The following TMEM176A variants were observed in gnomAD, a reference collection of about 807,000 sequenced individuals.
The protein encoded by TMEM176A is transmembrane protein 176A.
In TMEM176A, 20 loss-of-function variants were observed where a neutral mutation model predicts 27.9. The observed-to-expected ratio is 0.72, with a 90% CI of 0.50 to 1.04. The LOEUF (loss-of-function observed/expected upper bound fraction) is 1.04. Ranked by LOEUF, TMEM176A falls within the 50% of genes least tolerant of loss-of-function variation. The pLI is 0.00. For missense variants in TMEM176A, 252 were observed against 289.1 expected (o/e 0.87, Z 0.93); for synonymous variants, 125 against 118.0 (o/e 1.06, Z -0.38).
In TMEM176A at chr7:150,801,656, T is replaced by C. The variant is rs777781670; in HGVS notation, c.106T>C (p.Cys36Arg). The change falls in exon 2 of 7, where the codon TGC becomes CGC. Residue 36 changes from cysteine (C) to arginine (R), a missense_variant. Physicochemically the swap from Cys to Arg is radical, Grantham distance 180. Coordinates refer to ENST00000004103, the MANE Select transcript of TMEM176A (RefSeq NM_018487.3). ...ESALAKLLLT[C>R]CSALRPRATQ... ...TGCCCTGGCCAAGCTCCTGCTCACC[T>C]GCTGCTCTGCGCTGCGGCCCCGGGC... The C allele has an allele frequency of 3.1e-6, 5 of 1,612,656 alleles. No homozygotes were observed. In the East Asian group the frequency reaches 1.1e-4, roughly 36 times the overall value.
chr7:150,800,984 T>C (rs929829436), intron 1 of TMEM176A, 156 bp downstream of exon 1: 2 of 985,492 alleles, frequency 2.0e-6, no homozygotes, highest in African/African-American at 3.5e-5. Context: ...GCCCCGGCTT[T>C]TGACCTACCT....
intron 2 of TMEM176A, 24 bp downstream of exon 2, chr7:150,801,748 C>CGTG (rs1563048623): frequency 3.4e-6 from 5 of 1,478,578 alleles, no homozygotes; most frequent in Non-Finnish European, 4.4e-6. Flanking sequence ...CCTGCCTCGT[C>CGTG]GGGCGGCGGG....
chr7:150,801,548 A>G lies in TMEM176A; in HGVS notation c.-3A>G, dbSNP rs1192934459. 2 of 1,590,786 alleles carry G rather than the reference A, an allele frequency of 1.3e-6. No homozygotes were observed. Among genetic ancestry groups the G allele is most frequent in the Admixed American group, 3.7e-5 (2 of 53,682 alleles). ...CCCTTCCTCATAGACTGTGTCCCTG[A>G]CAATGGGAACAGCCGACAGTGATGA... is the stretch of plus-strand genomic sequence containing the variant. On this transcript the variant is annotated 5_prime_UTR_variant, in exon 2 of 7. Coordinates refer to ENST00000004103, the MANE Select transcript of TMEM176A (RefSeq NM_018487.3).
chr7:150,802,076 T>TTTTTC, intron 2 of TMEM176A, 139 bp from the exon 3 acceptor site: 3 of 578,838 alleles, frequency 5.2e-6, no homozygotes, highest in Non-Finnish European at 9.2e-6. Flanking sequence ...TTCTTCTCCT[T>TTTTTC]TTCTCTTCTC....
chr7:150,804,856 G>A lies in TMEM176A; in HGVS notation c.696G>A (p.Val232=), dbSNP rs745475678. The A allele has an allele frequency of 5.0e-6, 8 of 1,614,104 alleles. No homozygotes were observed. Among genetic ancestry groups the A allele is most frequent in the Non-Finnish European group, 6.8e-6 (8 of 1,180,046 alleles). ...GKRDQKEMLE[V]SGI The stretch of plus-strand genomic sequence containing the variant: ...GAGACCAGAAGGAAATGTTGGAAGT[G>A]AGTGGAATCTAGCCATGCCTCTCCT... Residue 232 remains valine (V), a synonymous_variant, in exon 7 of 7, where the codon GTG becomes GTA. Coordinates refer to ENST00000004103, the MANE Select transcript of TMEM176A (RefSeq NM_018487.3).
chr7:150,801,689 G>T lies in TMEM176A; in HGVS notation c.139G>T (p.Ala47Ser), dbSNP rs771250907. ...TGCGCTGCGGCCCCGGGCCACCCAG[G>T]CCAGGGGCAGCAGCCGGCTGCTGGT... ...CSALRPRATQARGSSRLLVAS... is the reference protein window; with the variant it reads ...CSALRPRATQSRGSSRLLVAS... The change falls in exon 2 of 7, where the codon GCC (alanine) becomes TCC (serine). Residue 47 changes from alanine to serine, a missense_variant. Physicochemically the swap from Ala to Ser is moderately conservative, Grantham distance 99 (BLOSUM62 1). Coordinates refer to ENST00000004103, the MANE Select transcript of TMEM176A (RefSeq NM_018487.3). 3 of 1,580,606 alleles carry T rather than the reference G, an allele frequency of 1.9e-6. No homozygotes were observed. The highest frequency in any genetic ancestry group is 2.3e-5 in the South Asian group (2 of 86,810).
In TMEM176A at chr7:150,803,660, CA is replaced by C; in HGVS notation, c.384del (p.Ala129ProfsTer56). 1 of 1,614,148 alleles carries C rather than the reference CA, an allele frequency of 6.2e-7. No individual in the cohort carries two copies. Among genetic ancestry groups the C allele is most frequent in the Non-Finnish European group, 8.5e-7 (1 of 1,180,050 alleles). On this transcript the variant is annotated frameshift_variant, in exon 5 of 7. Transcript: ENST00000004103. LOFTEE classifies it high-confidence loss of function. The stretch of plus-strand genomic sequence containing the variant: ...CTGCTAACGCTGGCAGCTTTCTCCA[CA>C]GCCATCGCTGCCCTCAAACTTTGGA... The part of the protein sequence containing the change: ...RTLLTLAAFS[T>X]AIAALKLWNE...
chr7:150,802,385 A>T (rs1211009983), intron 3 of TMEM176A, 60 bp downstream of exon 3: 2 of 1,436,828 alleles, frequency 1.4e-6, no homozygotes, highest in Middle Eastern at 1.7e-4. Flanking sequence ...TGCTCTCCTG[A>T]TTGCCTTCCT....
Position 150,801,786 on chromosome 7 carries a change from G to A in TMEM176A, c.174+62G>A, listed in dbSNP as rs571819922. Reference sequence around the variant, plus strand: ...GAACTCCCCACCTCCAGCCGCAGCAGCACTCTCTGCCAGCCTCCCTCTGAA... The same window carrying A: ...GAACTCCCCACCTCCAGCCGCAGCAACACTCTCTGCCAGCCTCCCTCTGAA... On this transcript the variant is annotated intron_variant, in intron 2 of 6. Coordinates refer to ENST00000004103, the MANE Select transcript of TMEM176A (RefSeq NM_018487.3). 5.4e-5 allele frequency: 76 copies of A among 1,399,970 alleles called. No individual in the cohort carries two copies. The African/African-American group carries it at 1.0e-3, about 18-fold the overall frequency. 86.7% of individuals were successfully genotyped at this position (1,399,970 alleles called of 1,614,324 possible).
chr7:150,803,304 G>C, intron 3 of TMEM176A, 96 bp from the exon 4 acceptor site: 1 of 1,470,304 alleles, frequency 6.8e-7, no homozygotes, highest in Non-Finnish European at 9.0e-7. Context: ...TCCCGCCCAA[G>C]CTGTGTGCTG....
intron 1 of TMEM176A, chr7:150,801,262 C>T: frequency 3.1e-6 from 1 of 319,986 alleles, no homozygotes; most frequent in East Asian, 5.5e-5. Flanking sequence ...ACCCAGACGC[C>T]AGGGCCCTGG....
chr7:150,802,108 C>CTCTTT, intron 2 of TMEM176A, 107 bp from the exon 3 acceptor site: 1 of 715,438 alleles, frequency 1.4e-6, no homozygotes, highest in South Asian at 1.7e-5. Context: ...TCTCTTCTTT[C>CTCTTT]TTTCTCTCTC....
rs1274298213 is a variant in TMEM176A at position 150,800,809 on chromosome 7, G to A, written c.-35G>A. 2 of 546,508 alleles carry A rather than the reference G, an allele frequency of 3.7e-6. No homozygotes were observed. Among genetic ancestry groups the A allele is most frequent in the African/African-American group, 2.1e-5 (1 of 47,344 alleles). The allele number at this position is 546,508 out of a possible 1,614,324, so 33.9% of individuals were successfully genotyped here. A position where few individuals can be genotyped will look rare whatever the true frequency, so the allele number is the denominator to read the frequency against. On this transcript the variant is annotated 5_prime_UTR_variant, in exon 1 of 7. Transcript: ENST00000004103. ...GCCCCAGCCCTCCCGCCGCCCGCTC[G>A]CAGGTCCCGAGGAGCGCAGGTGAGG...
rs763478072 is a variant in TMEM176A, at chr7:150,805,013, C to T, written c.*145C>T. 3.7e-6 allele frequency: 3 copies of T among 800,806 alleles called. No individual in the cohort carries two copies. The highest frequency in any genetic ancestry group is 6.4e-6 in the Non-Finnish European group (3 of 472,142). 49.6% of individuals were successfully genotyped at this position (800,806 alleles called of 1,614,324 possible). ...CCCCATGACCGTGGCCACAGCCCTG[C>T]TCCAGCAGCACTTGCCCATTCCTTA... On this transcript the variant is annotated 3_prime_UTR_variant, in exon 7 of 7. Coordinates refer to ENST00000004103, the MANE Select transcript of TMEM176A (RefSeq NM_018487.3).
chr7:150,802,084 C>CTCTTCTCTTT, intron 2 of TMEM176A, 131 bp from the exon 3 acceptor site: 1 of 658,118 alleles, frequency 1.5e-6, no homozygotes, highest in Non-Finnish European at 2.6e-6. Context: ...CTTTTCTCTT[C>CTCTTCTCTTT]TCTTCTCTTC....
rs199781619 is a variant in TMEM176A, at chr7:150,803,828, T to C, written c.551T>C (p.Leu184Pro). The C allele has an allele frequency of 5.1e-5, 83 of 1,613,598 alleles. No individual in the cohort carries two copies. In the Middle Eastern group the frequency reaches 3.5e-3, roughly 68 times the overall value. ...CTATGTACCTCCTTCATGGACATGC[T>C]GAAGGTAGGTGGCCAAGGGGAAGGG... ...LHLCTSFMDM[L>P]KALFRTLQAM... is the part of the protein sequence containing the mutation. Residue 184 changes from leucine to proline, a missense_variant, in exon 5 of 7, where the codon CTG (leucine) becomes CCG (proline). Transcript: ENST00000004103.
rs1186194373 is a variant in TMEM176A, at chr7:150,805,005, C to G, written c.*137C>G. On this transcript the variant is annotated 3_prime_UTR_variant, in exon 7 of 7. Transcript: ENST00000004103. ...TATCCTGGCCCCATGACCGTGGCCA[C>G]AGCCCTGCTCCAGCAGCACTTGCCC... 3.3e-5 allele frequency: 28 copies of G among 857,776 alleles called. No individual in the cohort carries two copies. Among genetic ancestry groups the G allele is most frequent in the Non-Finnish European group, 4.6e-5 (24 of 519,154 alleles). The allele number at this position is 857,776 out of a possible 1,614,324, so 53.1% of individuals were successfully genotyped here.
At chr7:150,801,509 T>C in intron 1 of TMEM176A, 27 bp from the exon 2 acceptor site, 1 of 1,543,014 alleles carries the variant, frequency 6.5e-7, no homozygotes, top group South Asian at 1.3e-5. Flanking sequence ...TGACAGCCGT[T>C]CCTCTCTGGT....
chr7:150,803,039 C>A, intron 3 of TMEM176A: 1 of 1,021,696 alleles, frequency 9.8e-7, no homozygotes, highest in Non-Finnish European at 1.2e-6. Flanking sequence ...TCTGTATAGA[C>A]TCACCCTTCA....
Sources: gnomAD v4.1 joint callset for allele counts on GRCh38, gnomAD v4.1.1 for gene constraint, MANE v1.5 for transcripts, NCBI Gene and HGNC (gene_info 2026-07-23, HGNC 2026-07-21) for gene names.